CLPTM1L: variants seen among roughly 807,000 people sequenced by gnomAD.
The protein encoded by CLPTM1L is lipid scramblase CLPTM1L.
CLPTM1L carries 38 observed loss-of-function variants against 70.9 expected under a neutral mutation model. That is an observed-to-expected ratio of 0.54 (90% CI 0.41 to 0.70). The LOEUF (loss-of-function observed/expected upper bound fraction) is 0.70. CLPTM1L is among the 30% of genes least tolerant of loss of function. The probability of loss-of-function intolerance (pLI) is 0.00; values close to 1 mark genes in which losing one functional copy is unlikely to be tolerated. For synonymous variants in CLPTM1L, 339 were observed against 299.9 expected, an observed-to-expected ratio of 1.13 and a Z score of -1.35; for missense variants, 652 against 705.9, an observed-to-expected ratio of 0.92 and a Z score of 0.87.
At chr5:1,327,843 C>A (rs1433326827) in intron 9 of CLPTM1L, among the ~76,000 whole-genome samples, 1 of 147,756 alleles carries the variant, frequency 6.8e-6, no homozygotes, top group South Asian at 2.2e-4. Context: ...CACATTCCAT[C>A]CAGCTCCTCC....
At chr5:1,322,709 T>C (rs1752227907) in intron 13 of CLPTM1L, 168 bp downstream of exon 13, 1 of 721,630 alleles carries the variant, frequency 1.4e-6, no homozygotes, top group Non-Finnish European at 2.5e-6. Flanking sequence ...CTTTATCTGC[T>C]CACAGCCTGG....
Position 1,344,644 on chromosome 5 carries a change from C to A in CLPTM1L, c.162+36G>T, listed in dbSNP as rs574258520. ...GGGGCCTGGAGGAGAGGCCCCCACCCCAACCCGCCCGGCCCCCGGCCCCGC... is the reference window on the plus strand; with the variant it reads ...GGGGCCTGGAGGAGAGGCCCCCACCACAACCCGCCCGGCCCCCGGCCCCGC... On this transcript the variant is annotated intron_variant, in intron 1 of 16. Coordinates refer to ENST00000320895, the MANE Select transcript of CLPTM1L (RefSeq NM_030782.5). 170 of 1,541,646 alleles carry A rather than the reference C, an allele frequency of 1.1e-4. 2 individuals carry two copies. In the South Asian group the frequency reaches 2.0e-3, roughly 18 times the overall value.
Position 1,342,037 on chromosome 5 carries a change from T to C in CLPTM1L, c.264-177A>G, listed in dbSNP as rs563212442. 0.013 allele frequency among the ~76,000 whole-genome samples: 1,655 copies of C among 128,680 alleles called. 33 individuals carry two copies. The highest frequency in any genetic ancestry group is 0.056 in the African/African-American group (1,537 of 27,576). The allele number at this position is 128,680 out of a possible 152,430, so 84.4% of individuals were successfully genotyped here. A position where few individuals can be genotyped will look rare whatever the true frequency, so the allele number is the denominator to read the frequency against. ...GTGTGTGTGTGTGTGTGTGTGTGTG[T>C]GTGCACGCGCACGCGTGCGCGTCCT... On this transcript the variant is annotated intron_variant, in intron 2 of 16. Coordinates refer to ENST00000320895, the MANE Select transcript of CLPTM1L (RefSeq NM_030782.5). The surrounding 1 kb of genome is among the most constrained non-coding windows in gnomAD (Gnocchi z 4.3).
chr5:1,323,887 G>A lies in CLPTM1L; in HGVS notation c.1198-18C>T, dbSNP rs1486156840. 3 of 1,601,320 alleles carry A rather than the reference G, an allele frequency of 1.9e-6. No homozygotes were observed. The highest frequency in any genetic ancestry group is 1.7e-4 in the Middle Eastern group (1 of 6,052). On this transcript the variant is annotated intron_variant, in intron 11 of 16. Coordinates refer to ENST00000320895, the MANE Select transcript of CLPTM1L (RefSeq NM_030782.5). ...TTCATGGCCTGCAGGGAACAAAGAT[G>A]GCTTCCAGTTAGAGGCCCAAACGCC...
intron 4 of CLPTM1L, among the ~76,000 whole-genome samples, chr5:1,338,480 T>G (rs1379528702): frequency 6.6e-6 from 1 of 152,216 alleles, no homozygotes; most frequent in Non-Finnish European, 1.5e-5. Context: ...TTCCAATAAT[T>G]GTATTTAACT....
rs766105069 is a variant in CLPTM1L, at chr5:1,321,667, C to A, written c.1384G>T (p.Ala462Ser). The change falls in exon 15 of 17, where the codon GCA becomes TCA. Residue 462 changes from alanine (A) to serine (S), a missense_variant. Around this residue, in one of 3 missense-constraint regions of CLPTM1L, gnomAD observed 240 missense variants for 295.0 expected, o/e 0.81. Coordinates refer to ENST00000320895, the MANE Select transcript of CLPTM1L (RefSeq NM_030782.5). ...GTGAAGGCCTTCCAGGGCAGATGTG[C>A]CACTGACTTCAACTGAAACAGGAGA... is the stretch of plus-strand genomic sequence containing the variant. ...LFVNYKLKSVAHLPWKAFTYK... is the reference protein window; with the variant it reads ...LFVNYKLKSVSHLPWKAFTYK... 8 of 1,613,942 alleles carry A rather than the reference C, an allele frequency of 5.0e-6. No individual in the cohort carries two copies. In the Admixed American group the frequency reaches 1.2e-4, roughly 24 times the overall value.
chr5:1,331,195 T>G (rs1275547942), intron 8 of CLPTM1L: 4 of 154,740 alleles, frequency 2.6e-5, no homozygotes, highest in African/African-American at 9.6e-5. Flanking sequence ...CTTGGGCCCC[T>G]TAAACCACGG....
chr5:1,336,082 G>C (rs1027578786), intron 5 of CLPTM1L, among the ~76,000 whole-genome samples: 1 of 152,246 alleles, frequency 6.6e-6, no homozygotes, highest in African/African-American at 2.4e-5. Flanking sequence ...GTTGCCCTGA[G>C]AGCGGCTGTC....
At chr5:1,322,752 C>G in intron 13 of CLPTM1L, 125 bp downstream of exon 13, 1 of 966,972 alleles carries the variant, frequency 1.0e-6, no homozygotes, top group Middle Eastern at 2.1e-4. Context: ...TGTGCCAGAA[C>G]AGGGTGGGGA....
intron 3 of CLPTM1L, among the ~76,000 whole-genome samples, 185 bp from the exon 4 acceptor site, chr5:1,339,190 A>G (rs1241227476): frequency 6.7e-6 from 1 of 149,786 alleles, no homozygotes; most frequent in Admixed American, 6.6e-5. Flanking sequence ...TGCCCGGGAC[A>G]GCAGGGTCAG....
At chr5:1,327,628 GACACATTCCACCCAGCTCCTCCTCTACA>G in intron 9 of CLPTM1L, among the ~76,000 whole-genome samples, 1 of 149,124 alleles carries the variant, frequency 6.7e-6, no homozygotes, top group Middle Eastern at 3.7e-3. Flanking sequence ...CTCCTCTACA[GACACATTCCACCCAGCTCCTCCTCTACA>G]GACACATTTC....
intron 3 of CLPTM1L, among the ~76,000 whole-genome samples, chr5:1,340,525 A>G (rs982351345): frequency 4.6e-5 from 7 of 152,184 alleles, no homozygotes; most frequent in Admixed American, 4.6e-4. Flanking sequence ...CCTGCAAGGG[A>G]GGCTTCCTGC....
intron 5 of CLPTM1L, among the ~76,000 whole-genome samples, chr5:1,336,104 C>T (rs940116130): frequency 3.9e-5 from 6 of 152,228 alleles, no homozygotes; most frequent in African/African-American, 1.4e-4. Context: ...GGGCGCCCCA[C>T]GTAGCCAAGT....
intron 1 of CLPTM1L, 102 bp downstream of exon 1, chr5:1,344,578 G>A: frequency 6.8e-7 from 1 of 1,460,944 alleles, no homozygotes; most frequent in Non-Finnish European, 9.3e-7. Flanking sequence ...ATCTCGACTC[G>A]CGCGGCCACA....
chr5:1,318,193 C>G lies in CLPTM1L; in HGVS notation c.*176G>C. ...GACAGATGTTCACACGTGGGGGCATCGTAAGCGCTACCAGCTCCAAATCTG... is the reference window on the plus strand; with the variant it reads ...GACAGATGTTCACACGTGGGGGCATGGTAAGCGCTACCAGCTCCAAATCTG... On this transcript the variant is annotated 3_prime_UTR_variant, in exon 17 of 17. Transcript: ENST00000320895. This position sits in a 1 kb window ranked among gnomAD's most constrained non-coding sequence, Gnocchi z 8.9. 1 of 607,886 alleles carries G rather than the reference C, an allele frequency of 1.6e-6. No individual in the cohort carries two copies. Among genetic ancestry groups the G allele is most frequent in the East Asian group, 2.8e-5 (1 of 36,028 alleles). 37.7% of individuals were successfully genotyped at this position (607,886 alleles called of 1,614,324 possible).
In CLPTM1L at chr5:1,320,659, A is replaced by G. The variant is rs1420835800; in HGVS notation, c.1489T>C (p.Phe497Leu). ...ACCAGAAACACCACGTCGTCCCGGA[A>G]GCAGGCCAGCCGGTGAGACGTGGGC... ...TMPTSHRLAC[F>L]RDDVVFLVYL... Residue 497 changes from phenylalanine to leucine, a missense_variant, in exon 16 of 17, where the codon TTC becomes CTC. Coordinates refer to ENST00000320895, the MANE Select transcript of CLPTM1L (RefSeq NM_030782.5). 1 of 1,547,584 alleles carries G rather than the reference A, an allele frequency of 6.5e-7. No homozygotes were observed. The highest frequency in any genetic ancestry group is 2.0e-5 in the Admixed American group (1 of 50,816).
At position 1,341,584 on chromosome 5, in the gene CLPTM1L, T is replaced by C. The variant is rs961738710; in HGVS notation, c.453+87A>G. The C allele has an allele frequency of 4.1e-6, 5 of 1,205,548 alleles. No homozygotes were observed. In the African/African-American group the frequency reaches 6.1e-5, roughly 15 times the overall value. The allele number at this position is 1,205,548 out of a possible 1,614,324, so 74.7% of individuals were successfully genotyped here. A position where few individuals can be genotyped will look rare whatever the true frequency, so the allele number is the denominator to read the frequency against. On this transcript the variant is annotated intron_variant, in intron 3 of 16. Coordinates refer to ENST00000320895, the MANE Select transcript of CLPTM1L (RefSeq NM_030782.5). ...ACTCCCAACAAAGTCACTGGAGCCC[T>C]AGACATCGCCCACCTGTGTGGAGAA...
intron 13 of CLPTM1L, 52 bp downstream of exon 13, chr5:1,322,825 T>A: frequency 6.3e-7 from 1 of 1,587,010 alleles, no homozygotes; most frequent in East Asian, 2.2e-5. Flanking sequence ...AACAATTAAA[T>A]CGCTGCCTGC....
chr5:1,322,281 A>G (rs377095432), intron 13 of CLPTM1L, among the ~76,000 whole-genome samples: 88 of 152,310 alleles, frequency 5.8e-4, no homozygotes, highest in African/African-American at 2.0e-3. Context: ...AGCTGCGATC[A>G]GGGCTGGTCT....
Sources: allele counts gnomAD v4.1 joint callset (sites outside exome capture counted in the v4.1 genomes callset), GRCh38; gene constraint gnomAD v4.1.1; regional missense constraint gnomAD v4.1.1; non-coding constraint Gnocchi (gnomAD v3.1); transcripts MANE v1.5; gene names NCBI Gene and HGNC (gene_info 2026-07-23, HGNC 2026-07-21).